The following TCAIM variants were observed in gnomAD, a reference collection of about 807,000 sequenced individuals.
TCAIM encodes the protein T cell activation inhibitor, mitochondrial.
A neutral mutation model predicts 58.6 loss-of-function variants in TCAIM; 36 were observed. The ratio of observed to expected loss-of-function variants is 0.61; its 90% CI spans 0.47 to 0.81. The LOEUF (loss-of-function observed/expected upper bound fraction) is 0.81, where lower values mean the gene tolerates loss of function less well. TCAIM is among the 30% of genes least tolerant of loss of function. The probability of loss-of-function intolerance (pLI) is 0.00; values close to 1 mark genes in which losing one functional copy is unlikely to be tolerated. For missense variants in TCAIM, 466 were observed against 579.6 expected, an observed-to-expected ratio of 0.80 and a Z score of 2.01; for synonymous variants, 172 against 193.6, an observed-to-expected ratio of 0.89 and a Z score of 0.93.
At chr3:44,376,013 ATACT>A (rs1471582501) in intron 5 of TCAIM, among the ~76,000 whole-genome samples, 5 of 152,248 alleles carry the variant, frequency 3.3e-5, no homozygotes, top group Non-Finnish European at 5.9e-5. Flanking sequence ...TGAAGTACTG[ATACT>A]TACTACGACA....
intron 5 of TCAIM, among the ~76,000 whole-genome samples, chr3:44,387,907 CTAAAA>C (rs1052419823): frequency 1.3e-5 from 2 of 151,852 alleles, no homozygotes; most frequent in African/African-American, 4.8e-5. Context: ...AAGTTAGAGA[CTAAAA>C]TAAAAAAAGA....
At chr3:44,363,994 T>C (rs1402542815) in intron 4 of TCAIM, among the ~76,000 whole-genome samples, 1 of 144,554 alleles carries the variant, frequency 6.9e-6, no homozygotes, top group Non-Finnish European at 1.5e-5. Flanking sequence ...AGTGGTGCAA[T>C]CTTGGCTCAC....
chr3:44,392,692 T>C (rs544480353), intron 5 of TCAIM, among the ~76,000 whole-genome samples, 163 bp from the exon 6 acceptor site: 1 of 152,372 alleles, frequency 6.6e-6, no homozygotes, highest in African/African-American at 2.4e-5. Flanking sequence ...TTCTATGGTA[T>C]ATATGTACCA....
At chr3:44,358,744 C>G (rs923561985) in intron 3 of TCAIM, 1 of 985,546 alleles carries the variant, frequency 1.0e-6, no homozygotes, top group African/African-American at 1.7e-5. Flanking sequence ...TACAAAGCCA[C>G]ATGCTTTGGA....
At position 44,396,262 on chromosome 3, in the gene TCAIM, T is replaced by C. The variant is rs966874342; in HGVS notation, c.696-138T>C. 27 of 626,204 alleles carry C rather than the reference T, an allele frequency of 4.3e-5. No individual in the cohort carries two copies. In the East Asian group the frequency reaches 4.4e-4, roughly 10 times the overall value. 38.8% of individuals were successfully genotyped at this position (626,204 alleles called of 1,614,324 possible). On this transcript the variant is annotated intron_variant, in intron 6 of 10. Transcript: ENST00000342649. ...AAAAATTAGCTAGCTTAGAAACATA[T>C]GATCAATCAAAACATGTTATGTGTG... is the stretch of plus-strand genomic sequence containing the variant.
At chr3:44,377,208 G>C (rs1434482091) in intron 5 of TCAIM, among the ~76,000 whole-genome samples, 2 of 152,132 alleles carry the variant, frequency 1.3e-5, no homozygotes, top group Non-Finnish European at 2.9e-5. Context: ...CCATGCAATA[G>C]TAACCAAAAG....
At chr3:44,382,359 G>A (rs1701667664) in intron 5 of TCAIM, among the ~76,000 whole-genome samples, 1 of 152,128 alleles carries the variant, frequency 6.6e-6, no homozygotes, top group South Asian at 2.1e-4. Context: ...ACCAGCCCAG[G>A]CACCGTAGTG....
chr3:44,345,431 C>T (rs750501043), intron 1 of TCAIM, among the ~76,000 whole-genome samples: 1 of 152,188 alleles, frequency 6.6e-6, no homozygotes, highest in Non-Finnish European at 1.5e-5. Context: ...GCTTGGTTGG[C>T]AAGTTTTTGG....
intron 5 of TCAIM, among the ~76,000 whole-genome samples, chr3:44,371,510 G>C (rs973487114): frequency 3.3e-5 from 5 of 152,184 alleles, no homozygotes; most frequent in African/African-American, 1.2e-4. Flanking sequence ...ACTGAACCAA[G>C]ACAAGACAAG....
chr3:44,373,182 GT>G (rs1701507804), intron 5 of TCAIM, among the ~76,000 whole-genome samples: 1 of 151,730 alleles, frequency 6.6e-6, no homozygotes, highest in Non-Finnish European at 1.5e-5. Context: ...GACTGGAGGA[GT>G]TTTTTAAAAA....
intron 1 of TCAIM, among the ~76,000 whole-genome samples, chr3:44,350,545 C>T (rs1252269339): frequency 6.6e-6 from 1 of 151,984 alleles, no homozygotes; most frequent in East Asian, 1.9e-4. Context: ...CCATCCTTAC[C>T]TTAGCTTTCT....
chr3:44,358,286 C>T (rs1041176976), intron 3 of TCAIM: 1 of 1,026,424 alleles, frequency 9.7e-7, no homozygotes, highest in East Asian at 2.4e-5. Context: ...GGACCACTCC[C>T]CTACAACATC....
chr3:44,385,607 G>C (rs1392815541), intron 5 of TCAIM, among the ~76,000 whole-genome samples: 1 of 152,138 alleles, frequency 6.6e-6, no homozygotes, highest in Non-Finnish European at 1.5e-5. Flanking sequence ...GCCGGGAGTG[G>C]TGGCACACGC....
intron 1 of TCAIM, chr3:44,340,971 C>T (rs1292888429): frequency 6.6e-6 from 1 of 152,098 alleles, no homozygotes; most frequent in Non-Finnish European, 1.5e-5. Flanking sequence ...TCATAGTACT[C>T]GGTTTTTCAT....
chr3:44,370,689 T>A (rs1333729908), intron 5 of TCAIM, among the ~76,000 whole-genome samples: 1 of 151,622 alleles, frequency 6.6e-6, no homozygotes, highest in South Asian at 2.1e-4. Flanking sequence ...TTAGTTTTTT[T>A]ATGCTTATAT....
chr3:44,340,237 T>C (rs2125712210), intron 1 of TCAIM: 1 of 152,344 alleles, frequency 6.6e-6, no homozygotes, highest in South Asian at 2.1e-4. Context: ...GAACATTAGA[T>C]CTGAATCTTC....
Position 44,357,772 on chromosome 3 carries a change from T to C in TCAIM, c.61T>C (p.Phe21Leu). 2 of 1,614,142 alleles carry C rather than the reference T, an allele frequency of 1.2e-6. No homozygotes were observed. The highest frequency in any genetic ancestry group is 2.2e-5 in the South Asian group (2 of 91,086). Reference sequence around the variant, plus strand: ...TCTAGAGAAGATATTTCCACACTGGTTTCCCTTTTCAAGAGCTTTATCGGG... The same window carrying C: ...TCTAGAGAAGATATTTCCACACTGGCTTCCCTTTTCAAGAGCTTTATCGGG... ...LCLEKIFPHWFPFSRALSGAE... is the reference protein window; with the variant it reads ...LCLEKIFPHWLPFSRALSGAE... Residue 21 changes from phenylalanine (F) to leucine (L), a missense_variant, in exon 3 of 11, where the codon TTT (phenylalanine) becomes CTT (leucine). By Grantham distance (22) the Phe-to-Leu change is conservative. Transcript: ENST00000342649.
At chr3:44,384,318 G>A (rs1232253385) in intron 5 of TCAIM, among the ~76,000 whole-genome samples, 4 of 152,198 alleles carry the variant, frequency 2.6e-5, no homozygotes, top group Non-Finnish European at 4.4e-5. Flanking sequence ...CAAGGTAACC[G>A]TGTGTTTCCA....
chr3:44,378,183 C>T (rs1432826673), intron 5 of TCAIM, among the ~76,000 whole-genome samples: 3 of 151,624 alleles, frequency 2.0e-5, no homozygotes, highest in Non-Finnish European at 2.9e-5. Context: ...GAGTTTGAGA[C>T]CAGCCTGGCC....
Sources: gnomAD v4.1 joint callset for allele counts (sites outside exome capture counted in the v4.1 genomes callset) on GRCh38, gnomAD v4.1.1 for gene constraint, MANE v1.5 for transcripts, NCBI Gene and HGNC (gene_info 2026-07-23, HGNC 2026-07-21) for gene names.